CHD1L: variants seen among roughly 807,000 people sequenced by gnomAD.
The protein encoded by CHD1L is ATP-dependent chromatin remodeler CHD1L.
CHD1L carries 118 observed loss-of-function variants against 115.9 expected under a neutral mutation model. The observed-to-expected ratio is 1.02, with a 90% CI of 0.88 to 1.19. The LOEUF (loss-of-function observed/expected upper bound fraction) is 1.19, where lower values mean the gene tolerates loss of function less well. CHD1L is among the 50% of genes most tolerant of loss of function. CHD1L has a pLI of 0.00. For missense variants in CHD1L, 1,179 were observed against 1,065.3 expected, an observed-to-expected ratio of 1.11 and a Z score of -1.49; for synonymous variants, 411 against 387.1, an observed-to-expected ratio of 1.06 and a Z score of -0.72.
At chr1:147,294,897 GCAAA>G (rs1686977057) in intron 22 of CHD1L, among the ~76,000 whole-genome samples, 1 of 152,036 alleles carries the variant, frequency 6.6e-6, no homozygotes, top group South Asian at 2.1e-4. Context: ...GAACAGTTAA[GCAAA>G]CAAATAAGTG....
chr1:147,201,233 T>G, the CHD1L span: 336 of 1,614,164 alleles, frequency 2.1e-4, no homozygotes, highest in Non-Finnish European at 2.8e-4. Flanking sequence ...AAGCCTATGA[T>G]TGCAAGAGTT....
At chr1:147,289,421 T>C (rs1481116712) in intron 19 of CHD1L, among the ~76,000 whole-genome samples, 2 of 152,146 alleles carry the variant, frequency 1.3e-5, no homozygotes. Context: ...TTCATGGTAT[T>C]AGACACTGAA....
chr1:147,289,592 G>C (rs1425835840), intron 19 of CHD1L, among the ~76,000 whole-genome samples: 1 of 152,158 alleles, frequency 6.6e-6, no homozygotes, highest in African/African-American at 2.4e-5. Context: ...GAAGCAGGTT[G>C]CAGCAAAGTA....
chr1:147,216,296 C>G, the CHD1L span, among the ~76,000 whole-genome samples: 1 of 152,162 alleles, frequency 6.6e-6, no homozygotes, highest in African/African-American at 2.4e-5. Flanking sequence ...TCCAGCCTCA[C>G]CACATGAAGA....
At chr1:147,206,102 T>C in the CHD1L span, among the ~76,000 whole-genome samples, 5 of 148,150 alleles carry the variant, frequency 3.4e-5, no homozygotes, top group African/African-American at 5.1e-5. Flanking sequence ...AAAAAGTGGG[T>C]GAAGGATATG....
chr1:147,286,149 T>TA, intron 17 of CHD1L, 149 bp from the exon 18 acceptor site: 2 of 729,122 alleles, frequency 2.7e-6, no homozygotes, highest in South Asian at 3.8e-5. Flanking sequence ...TAAGACTTGT[T>TA]TACAAATAAG....
intron 19 of CHD1L, among the ~76,000 whole-genome samples, chr1:147,290,182 A>C (rs1169456595): frequency 6.6e-6 from 1 of 152,130 alleles, no homozygotes; most frequent in Non-Finnish European, 1.5e-5. Context: ...TCCCAGGCTC[A>C]GGAAATCCTC....
chr1:147,295,336 T>C (rs1687136886), intron 22 of CHD1L, 95 bp from the exon 23 acceptor site: 2 of 815,682 alleles, frequency 2.5e-6, no homozygotes, highest in Admixed American at 4.0e-5. Flanking sequence ...ATACTACTTC[T>C]AGAACAGTTA....
upstream of CHD1L, among the ~76,000 whole-genome samples, chr1:147,240,023 G>A (rs1187626817): frequency 3.3e-5 from 5 of 152,136 alleles, no homozygotes; most frequent in Non-Finnish European, 5.9e-5. Flanking sequence ...CACCCAAGCA[G>A]GAAAGCTGCT....
In CHD1L at chr1:147,255,807, A is replaced by T. The variant is rs782701509; in HGVS notation, c.348-6A>T. 19 of 1,594,316 alleles carry T rather than the reference A, an allele frequency of 1.2e-5. No individual in the cohort carries two copies. In the South Asian group the frequency reaches 1.7e-4, roughly 14 times the overall value. ...TATGTTTATCTACTTCTTTTCTTGG[A>T]TTCAGATTTGCTCCAGGTCTTTCCT... On this transcript the variant is annotated splice_polypyrimidine_tract_variant and splice_region_variant and intron_variant, in intron 3 of 22. Coordinates refer to ENST00000369258, the MANE Select transcript of CHD1L (RefSeq NM_004284.6).
At chr1:147,243,627 C>T (rs782735192) in intron 1 of CHD1L, among the ~76,000 whole-genome samples, 5 of 152,102 alleles carry the variant, frequency 3.3e-5, no homozygotes, top group Admixed American at 6.5e-5. Context: ...GCCCCAGCCT[C>T]GTTTTCCTTA....
At chr1:147,287,875 C>T in intron 19 of CHD1L, 142 bp downstream of exon 19, 1 of 646,538 alleles carries the variant, frequency 1.5e-6, no homozygotes, top group Non-Finnish European at 2.6e-6. Flanking sequence ...AAATTAGCTA[C>T]TTGTTCTGTG....
At position 147,278,634 on chromosome 1, in the gene CHD1L, T is replaced by C. The variant is rs1192804551; in HGVS notation, c.1540-1392T>C. Among the ~76,000 whole-genome samples, 4 of 151,918 alleles carry C rather than the reference T, an allele frequency of 2.6e-5. No homozygotes were observed. The South Asian group carries it at 6.2e-4, about 24-fold the overall frequency. ...TGAAGTCCTGAAAGAAGGAAACAGGTTTTTTATCCTGCAGGGAGGACACAG... is the reference window on the plus strand; with the variant it reads ...TGAAGTCCTGAAAGAAGGAAACAGGCTTTTTATCCTGCAGGGAGGACACAG... On this transcript the variant is annotated intron_variant, in intron 14 of 22. Coordinates refer to ENST00000369258, the MANE Select transcript of CHD1L (RefSeq NM_004284.6).
chr1:147,293,853 C>A, intron 21 of CHD1L, 131 bp downstream of exon 21: 1 of 699,348 alleles, frequency 1.4e-6, no homozygotes, highest in Non-Finnish European at 2.5e-6. Flanking sequence ...CAGAAGTGAT[C>A]ACCCCACCGT....
At chr1:147,186,949 T>C in the CHD1L span, 67 of 1,614,178 alleles carry the variant, frequency 4.2e-5, no homozygotes, top group Admixed American at 1.0e-3. Context: ...TAGCATAAAC[T>C]TGCCTATTGT....
At chr1:147,204,378 C>T in the CHD1L span, 1 of 1,053,146 alleles carries the variant, frequency 9.5e-7, no homozygotes, top group Non-Finnish European at 1.5e-6. Context: ...ATACGCATGC[C>T]TGAACAATAA....
the CHD1L span, among the ~76,000 whole-genome samples, chr1:147,228,022 A>G: frequency 1.3e-5 from 1 of 74,308 alleles, no homozygotes; most frequent in Non-Finnish European, 3.1e-5. Context: ...TTTTTTTTTT[A>G]TCATACTTTA....
chr1:147,186,361 C>CA, the CHD1L span: 1 of 954,216 alleles, frequency 1.0e-6, no homozygotes, highest in African/African-American at 1.8e-5. Flanking sequence ...GCAAGTGAAA[C>CA]AAAATGTCTT....
chr1:147,255,180 A>T (rs1669684266), intron 3 of CHD1L, among the ~76,000 whole-genome samples: 1 of 152,242 alleles, frequency 6.6e-6, no homozygotes, highest in South Asian at 2.1e-4. Context: ...TTTAAAGGTC[A>T]GCAATCGTTT....
Sources: allele counts gnomAD v4.1 joint callset (sites outside exome capture counted in the v4.1 genomes callset), GRCh38; gene constraint gnomAD v4.1.1; transcripts MANE v1.5; gene names NCBI Gene and HGNC (gene_info 2026-07-23, HGNC 2026-07-21).